Variants in NEK11 observed in about 807,000 individuals in gnomAD.
NEK11 encodes the protein serine/threonine-protein kinase Nek11.
A neutral mutation model predicts 80.7 loss-of-function variants in NEK11; 72 were observed. The ratio of observed to expected loss-of-function variants is 0.89; its 90% CI spans 0.74 to 1.08. The LOEUF (loss-of-function observed/expected upper bound fraction) is 1.08. NEK11 is among the 50% of genes least tolerant of loss of function. NEK11 has a pLI of 0.00. For missense variants in NEK11, 764 were observed against 763.6 expected, an observed-to-expected ratio of 1.00 and a Z score of -0.01; for synonymous variants, 251 against 260.7, an observed-to-expected ratio of 0.96 and a Z score of 0.36.
At chr3:131,332,675 C>G (rs1305559881) in intron 17 of NEK11, among the ~76,000 whole-genome samples, 1 of 152,116 alleles carries the variant, frequency 6.6e-6, no homozygotes, top group Non-Finnish European at 1.5e-5. Context: ...CTCCGAGCTA[C>G]AGGAGGAAAT....
chr3:131,294,060 A>G (rs1449602831), intron 17 of NEK11, among the ~76,000 whole-genome samples: 1 of 151,888 alleles, frequency 6.6e-6, no homozygotes, highest in Non-Finnish European at 1.5e-5. Context: ...TTGATTTCCC[A>G]TTTTTAATTC....
chr3:131,297,635 T>C (rs1456730503), intron 17 of NEK11, among the ~76,000 whole-genome samples: 1 of 152,230 alleles, frequency 6.6e-6, no homozygotes, highest in Non-Finnish European at 1.5e-5. Flanking sequence ...CTGATGGTAG[T>C]TTCTTTTGCT....
At chr3:131,028,430 T>C (rs901086831) in intron 2 of NEK11, among the ~76,000 whole-genome samples, 8 of 152,218 alleles carry the variant, frequency 5.3e-5, no homozygotes, top group African/African-American at 1.9e-4. Context: ...AAAATGTTAT[T>C]TCTATATAGA....
At chr3:131,105,791 G>A (rs1173763920) in intron 4 of NEK11, among the ~76,000 whole-genome samples, 1 of 152,166 alleles carries the variant, frequency 6.6e-6, no homozygotes, top group South Asian at 2.1e-4. Context: ...GAGATTTTGG[G>A]TGGGGACACA....
At chr3:131,226,967 A>T (rs919579983) in intron 14 of NEK11, among the ~76,000 whole-genome samples, 2 of 151,340 alleles carry the variant, frequency 1.3e-5, no homozygotes, top group African/African-American at 4.8e-5. Flanking sequence ...TATAAATAAT[A>T]AAAATAATAA....
chr3:131,150,319 T>A (rs2089390120), intron 7 of NEK11, among the ~76,000 whole-genome samples: 1 of 152,054 alleles, frequency 6.6e-6, no homozygotes, highest in Non-Finnish European at 1.5e-5. Context: ...TGCATTTACA[T>A]CAACTTGCCA....
intron 4 of NEK11, among the ~76,000 whole-genome samples, chr3:131,106,400 T>C (rs1182356665): frequency 6.6e-6 from 1 of 152,114 alleles, no homozygotes; most frequent in Non-Finnish European, 1.5e-5. Context: ...CTTTTAACAA[T>C]TATGCTTGAA....
chr3:131,192,785 AG>A (rs1284280003), intron 14 of NEK11, among the ~76,000 whole-genome samples: 1 of 152,194 alleles, frequency 6.6e-6, no homozygotes, highest in South Asian at 2.1e-4. Context: ...TCTTGGGGGA[AG>A]GAAGTAATGG....
In NEK11 at chr3:131,099,288, C is replaced by T. The variant is rs1476802044; in HGVS notation, c.337-10515C>T. On this transcript the variant is annotated intron_variant, in intron 4 of 17. Transcript: ENST00000383366. ...TCAGAGATCAGACGGTTGTGTGTGG[C>T]TTTATTTCTGAGTTTTCTATTCTGT... 4.6e-5 allele frequency among the ~76,000 whole-genome samples: 7 copies of T among 152,090 alleles called. No individual in the cohort carries two copies. In the East Asian group the frequency reaches 1.4e-3, roughly 29 times the overall value.
intron 5 of NEK11, among the ~76,000 whole-genome samples, chr3:131,110,507 A>G (rs2149352440): frequency 6.6e-6 from 1 of 152,274 alleles, no homozygotes; most frequent in African/African-American, 2.4e-5. Flanking sequence ...TGCCTCAAAA[A>G]TGTATTTTAA....
At chr3:131,122,671 C>G (rs1409792439) in intron 5 of NEK11, among the ~76,000 whole-genome samples, 1 of 101,498 alleles carries the variant, frequency 9.9e-6, no homozygotes, top group Non-Finnish European at 2.3e-5. Context: ...GGGAGGGTTT[C>G]ATATCATAAA....
At chr3:131,125,331 A>G (rs1206479486) in intron 5 of NEK11, among the ~76,000 whole-genome samples, 2 of 152,186 alleles carry the variant, frequency 1.3e-5, no homozygotes, top group African/African-American at 4.8e-5. Context: ...TTACAAAGGT[A>G]ACATTATTAC....
chr3:131,238,414 G>A (rs2095468898), intron 15 of NEK11, among the ~76,000 whole-genome samples: 1 of 152,132 alleles, frequency 6.6e-6, no homozygotes, highest in African/African-American at 2.4e-5. Context: ...CAAATACTTA[G>A]TAGATATTGT....
At chr3:131,281,980 TGGAAG>T (rs1279625312) in intron 17 of NEK11, among the ~76,000 whole-genome samples, 1 of 152,078 alleles carries the variant, frequency 6.6e-6, no homozygotes, top group East Asian at 1.9e-4. Context: ...AAATTTGGAG[TGGAAG>T]GGAAGAAACC....
chr3:131,072,115 A>G (rs564899311), intron 3 of NEK11: 1 of 152,280 alleles, frequency 6.6e-6, no homozygotes, highest in East Asian at 1.9e-4. Context: ...AAAATGGCTT[A>G]AACAATAAGA....
chr3:131,123,714 G>A (rs1212001176), intron 5 of NEK11, among the ~76,000 whole-genome samples: 1 of 151,730 alleles, frequency 6.6e-6, no homozygotes, highest in East Asian at 1.9e-4. Context: ...AGTTTCTTTG[G>A]AATGTTTTAC....
chr3:131,168,381 G>A (rs181435554), intron 12 of NEK11, among the ~76,000 whole-genome samples: 1,634 of 149,088 alleles, frequency 0.011, 15 homozygotes, highest in Non-Finnish European at 0.018. Flanking sequence ...TTTTGAGACG[G>A]AGTCTCGCTC....
intron 7 of NEK11, among the ~76,000 whole-genome samples, chr3:131,136,873 A>G (rs1439590028): frequency 6.6e-6 from 1 of 152,240 alleles, no homozygotes; most frequent in East Asian, 1.9e-4. Flanking sequence ...GATTTAAACT[A>G]TGAATATTTA....
In NEK11 at chr3:131,133,695, C is replaced by T. The variant is rs2084978501; in HGVS notation, c.521-135C>T. ...GCGTTGTATAATTTAAGATATATTA[C>T]TTTTCTTTCCTGTTAAAATGCTATG... On this transcript the variant is annotated intron_variant, in intron 6 of 17. Transcript: ENST00000383366. 4 of 591,142 alleles carry T rather than the reference C, an allele frequency of 6.8e-6. No homozygotes were observed. The East Asian group carries it at 1.1e-4, about 17-fold the overall frequency. 36.6% of individuals were successfully genotyped at this position (591,142 alleles called of 1,614,324 possible). A position where few individuals can be genotyped will look rare whatever the true frequency, so the allele number is the denominator to read the frequency against.
Sources: gnomAD v4.1 joint callset for allele counts (sites outside exome capture counted in the v4.1 genomes callset) on GRCh38, gnomAD v4.1.1 for gene constraint, MANE v1.5 for transcripts, NCBI Gene and HGNC (gene_info 2026-07-23, HGNC 2026-07-21) for gene names.